The following ACTR3C variants were observed in gnomAD, a reference collection of about 807,000 sequenced individuals.
ACTR3C encodes actin related protein 3C.
In ACTR3C, 18 loss-of-function variants were observed where a neutral mutation model predicts 26.3. The observed-to-expected ratio is 0.68, with a 90% CI of 0.47 to 1.01. The LOEUF is 1.01. Ranked by LOEUF, ACTR3C falls within the 50% of genes least tolerant of loss-of-function variation. The pLI, the probability that ACTR3C is intolerant of heterozygous loss-of-function variation, is 0.00. For synonymous variants in ACTR3C, 55 were observed against 94.5 expected (o/e 0.58, Z 2.42); for missense variants, 184 against 250.7 (o/e 0.73, Z 1.80).
rs376349284 is a variant in ACTR3C, at chr7:150,295,125, G to A, written c.45+127C>T. 1.7e-4 allele frequency: 189 copies of A among 1,130,218 alleles called. 1 individual carries two copies. The highest frequency in any genetic ancestry group is 1.3e-3 in the African/African-American group (77 of 60,874). The allele number at this position is 1,130,218 out of a possible 1,614,324, so 70.0% of individuals were successfully genotyped here. A position where few individuals can be genotyped will look rare whatever the true frequency, so the allele number is the denominator to read the frequency against. ...CTATAGTCCTGAATGGCATGGGGAC[G>A]GGGGAGGGAGTGGAAAAAGGAAGGG... On this transcript the variant is annotated intron_variant, in intron 2 of 7. Coordinates refer to ENST00000683684, the MANE Select transcript of ACTR3C (RefSeq NM_001164458.2).
At chr7:150,284,449 G>C (rs1345119930) in intron 6 of ACTR3C, among the ~76,000 whole-genome samples, 1 of 152,186 alleles carries the variant, frequency 6.6e-6, no homozygotes, top group Non-Finnish European at 1.5e-5. Flanking sequence ...AGGAGGCTGA[G>C]GCAGGAGAAT....
At chr7:150,036,892 C>A in the ACTR3C span, among the ~76,000 whole-genome samples, 7 of 117,422 alleles carry the variant, frequency 6.0e-5, no homozygotes, top group South Asian at 2.5e-4. Context: ...GCTCTCAGTC[C>A]CCGCCTCGCG....
chr7:149,983,550 T>C, the ACTR3C span, among the ~76,000 whole-genome samples: 1 of 149,956 alleles, frequency 6.7e-6, no homozygotes, highest in African/African-American at 2.4e-5. Flanking sequence ...TGTAGCCACT[T>C]TGGAATAGAG....
At chr7:150,299,202 C>T (rs1370477713) in intron 1 of ACTR3C, among the ~76,000 whole-genome samples, 2 of 151,268 alleles carry the variant, frequency 1.3e-5, no homozygotes, top group South Asian at 2.1e-4. Flanking sequence ...AGGCTGGTCT[C>T]GAGCTCCTGA....
chr7:150,239,503 GCTCGCTCT>G (rs1324551666), downstream of ACTR3C, among the ~76,000 whole-genome samples: 544 of 96,162 alleles, frequency 5.7e-3, 20 homozygotes, highest in African/African-American at 0.025. Flanking sequence ...CATAAAAGTT[GCTCGCTCT>G]CTCTCTCTCT....
At chr7:149,903,504 A>G in the ACTR3C span, among the ~76,000 whole-genome samples, 1 of 150,864 alleles carries the variant, frequency 6.6e-6, no homozygotes, top group African/African-American at 2.4e-5. Flanking sequence ...AAAGGTACCT[A>G]AAAATAAAGC....
At chr7:150,238,323 C>T in the ACTR3C span, among the ~76,000 whole-genome samples, 26 of 125,020 alleles carry the variant, frequency 2.1e-4, no homozygotes, top group African/African-American at 8.6e-4. Flanking sequence ...TGATGACCTA[C>T]CTATCAAAGC....
At chr7:150,165,039 G>A in the ACTR3C span, among the ~76,000 whole-genome samples, 3 of 152,172 alleles carry the variant, frequency 2.0e-5, no homozygotes, top group Admixed American at 2.0e-4. Flanking sequence ...CTTAGGCAAC[G>A]TGCAGAAATG....
the ACTR3C span, among the ~76,000 whole-genome samples, chr7:150,192,257 T>C: frequency 6.6e-6 from 1 of 151,718 alleles, no homozygotes; most frequent in African/African-American, 2.4e-5. Flanking sequence ...AAGTGTTCTA[T>C]CTTCTCTGCT....
At chr7:150,073,179 A>T in the ACTR3C span, among the ~76,000 whole-genome samples, 1 of 151,938 alleles carries the variant, frequency 6.6e-6, no homozygotes, top group Non-Finnish European at 1.5e-5. Context: ...CTTCAGAGAG[A>T]CCCCTCACCC....
chr7:149,882,522 C>T, the ACTR3C span, among the ~76,000 whole-genome samples: 2 of 152,100 alleles, frequency 1.3e-5, no homozygotes, highest in African/African-American at 4.8e-5. Context: ...GCAGCCATTC[C>T]GGGAGAGAGG....
the ACTR3C span, among the ~76,000 whole-genome samples, chr7:149,996,537 T>C: frequency 1.3e-5 from 2 of 150,720 alleles, no homozygotes; most frequent in Non-Finnish European, 3.0e-5. Flanking sequence ...TTTCAGTGTA[T>C]GTTCTAAGGG....
At chr7:150,293,904 C>T (rs1836506538) in intron 2 of ACTR3C, among the ~76,000 whole-genome samples, 1 of 151,992 alleles carries the variant, frequency 6.6e-6, no homozygotes, top group African/African-American at 2.4e-5. Context: ...CCACTGCACT[C>T]CAGCCTGGAC....
the ACTR3C span, among the ~76,000 whole-genome samples, chr7:150,035,032 A>T: frequency 3.8e-3 from 463 of 120,688 alleles, 18 homozygotes; most frequent in Middle Eastern, 7.0e-3. Context: ...GGGAAGAGGG[A>T]CTGGCTCTCA....
rs540020462 is a variant in ACTR3C at position 150,273,754 on chromosome 7, C to T, written c.564+10999G>A. Among the ~76,000 whole-genome samples, 1,138 of 151,300 alleles carry T rather than the reference C, an allele frequency of 7.5e-3. 3 individuals are homozygous for T. Among genetic ancestry groups the T allele is most frequent in the African/African-American group, 0.027 (1,087 of 40,924 alleles). Reference sequence around the variant, plus strand: ...CCCTCAGGTCTCACCCCAACCTGTACCCCCGCCCTCCGGCCTCCACATCTC... The same window carrying T: ...CCCTCAGGTCTCACCCCAACCTGTATCCCCGCCCTCCGGCCTCCACATCTC... On this transcript the variant is annotated intron_variant, in intron 6 of 7. Coordinates refer to ENST00000683684, the MANE Select transcript of ACTR3C (RefSeq NM_001164458.2).
At chr7:150,154,564 T>G in the ACTR3C span, among the ~76,000 whole-genome samples, 12 of 152,228 alleles carry the variant, frequency 7.9e-5, no homozygotes, top group Non-Finnish European at 1.6e-4. Flanking sequence ...CTTGCAGCCT[T>G]GACCTCAGCC....
chr7:150,126,231 CTTAAG>C, the ACTR3C span, among the ~76,000 whole-genome samples: 1 of 152,192 alleles, frequency 6.6e-6, no homozygotes, highest in African/African-American at 2.4e-5. Context: ...GATTCTCTCG[CTTAAG>C]TTAACTGGAA....
chr7:150,230,117 C>T, the ACTR3C span, among the ~76,000 whole-genome samples: 25 of 151,148 alleles, frequency 1.7e-4, no homozygotes, highest in African/African-American at 5.4e-4. Flanking sequence ...CTCAGCTACT[C>T]GGGAGGCTGA....
the ACTR3C span, among the ~76,000 whole-genome samples, chr7:150,214,143 C>T: frequency 6.6e-6 from 1 of 152,036 alleles, no homozygotes; most frequent in Non-Finnish European, 1.5e-5. Flanking sequence ...GCAGAGTTTC[C>T]ATAACATGCA....
Sources: gnomAD v4.1 joint callset for allele counts (sites outside exome capture counted in the v4.1 genomes callset) on GRCh38, gnomAD v4.1.1 for gene constraint, MANE v1.5 for transcripts, NCBI Gene and HGNC (gene_info 2026-07-23, HGNC 2026-07-21) for gene names.